Variants in DYTN observed in about 807,000 individuals in gnomAD.
DYTN encodes the protein dystrotelin.
Under a neutral mutation model 69.6 loss-of-function variants are expected in DYTN, and 75 were observed. The observed-to-expected ratio is 1.08, with a 90% CI of 0.89 to 1.31. DYTN has a LOEUF of 1.31. DYTN is among the 50% of genes most tolerant of loss of function. DYTN has a pLI of 0.00. For missense variants in DYTN, 726 were observed against 688.4 expected (o/e 1.05, Z -0.61); for synonymous variants, 252 against 249.1 (o/e 1.01, Z -0.11).
At chr2:206,654,098 G>T (rs1367028662) in intron 11 of DYTN, among the ~76,000 whole-genome samples, 1 of 152,198 alleles carries the variant, frequency 6.6e-6, no homozygotes, top group Non-Finnish European at 1.5e-5. Flanking sequence ...ATTGAATGAT[G>T]AGCCAACTAC....
At chr2:206,675,144 T>TGTGTGA (rs1699670865) in intron 9 of DYTN, among the ~76,000 whole-genome samples, 1 of 132,444 alleles carries the variant, frequency 7.6e-6, no homozygotes, top group African/African-American at 2.7e-5. Context: ...TGTGTGTGTG[T>TGTGTGA]GTATATATGT....
At chr2:206,690,214 G>A (rs1699850152) in intron 9 of DYTN, among the ~76,000 whole-genome samples, 1 of 152,162 alleles carries the variant, frequency 6.6e-6, no homozygotes, top group African/African-American at 2.4e-5. Context: ...GAGCAGTCAA[G>A]CCACGCAGGG....
chr2:206,696,049 T>A (rs1393822081), intron 7 of DYTN, among the ~76,000 whole-genome samples: 1 of 152,164 alleles, frequency 6.6e-6, no homozygotes, highest in African/African-American at 2.4e-5. Context: ...AATTAGGTGA[T>A]GTGTGATTAA....
At chr2:206,675,682 A>G (rs1252459842) in intron 9 of DYTN, among the ~76,000 whole-genome samples, 1 of 152,202 alleles carries the variant, frequency 6.6e-6, no homozygotes, top group Non-Finnish European at 1.5e-5. Context: ...CAAAATACTA[A>G]TAGGATTAAT....
intron 3 of DYTN, 97 bp downstream of exon 3, chr2:206,707,205 C>T: frequency 1.4e-6 from 2 of 1,442,540 alleles, no homozygotes; most frequent in Non-Finnish European, 9.4e-7. Flanking sequence ...TCTTATATAC[C>T]AAACCTCAAG....
At chr2:206,710,356 G>C (rs1700068682) in intron 2 of DYTN, among the ~76,000 whole-genome samples, 168 bp downstream of exon 2, 1 of 152,186 alleles carries the variant, frequency 6.6e-6, no homozygotes, top group African/African-American at 2.4e-5. Flanking sequence ...TGCACGTGAT[G>C]TTTTCCCATC....
intron 11 of DYTN, among the ~76,000 whole-genome samples, chr2:206,654,522 T>A (rs912396874): frequency 6.6e-6 from 1 of 152,222 alleles, no homozygotes; most frequent in African/African-American, 2.4e-5. Context: ...ATCAACTGTT[T>A]ATTTTACTGG....
chr2:206,661,890 G>C (rs1699516516), intron 11 of DYTN, among the ~76,000 whole-genome samples: 1 of 152,172 alleles, frequency 6.6e-6, no homozygotes, highest in Admixed American at 6.5e-5. Context: ...CCTGACTTAT[G>C]ATGGATTGAC....
At chr2:206,703,194 A>G (rs1338200132) in intron 5 of DYTN, among the ~76,000 whole-genome samples, 1 of 152,178 alleles carries the variant, frequency 6.6e-6, no homozygotes, top group Non-Finnish European at 1.5e-5. Context: ...AGCCTGTTGG[A>G]CCAAGTAGTC....
chr2:206,718,101 G>T (rs1483239632), intron 1 of DYTN, among the ~76,000 whole-genome samples, 160 bp downstream of exon 1: 2 of 152,172 alleles, frequency 1.3e-5, no homozygotes, highest in African/African-American at 4.8e-5. Context: ...TTTCTGTTTA[G>T]AAGAGAGAGA....
At chr2:206,660,809 A>C (rs574417072) in intron 11 of DYTN, among the ~76,000 whole-genome samples, 1 of 152,296 alleles carries the variant, frequency 6.6e-6, no homozygotes, top group East Asian at 1.9e-4. Context: ...TCGCCGAATA[A>C]TTAGTTTATT....
chr2:206,682,080 C>T (rs6718967), intron 9 of DYTN, among the ~76,000 whole-genome samples: 9,619 of 151,988 alleles, frequency 0.063, 1,026 homozygotes, highest in African/African-American at 0.22. Flanking sequence ...TTTAGGGTTT[C>T]GACTTCTTCC....
At chr2:206,680,184 A>G (rs1699735479) in intron 9 of DYTN, among the ~76,000 whole-genome samples, 1 of 152,212 alleles carries the variant, frequency 6.6e-6, no homozygotes, top group Admixed American at 6.5e-5. Flanking sequence ...GCAACAGAGG[A>G]ACAAAAGCAC....
intron 11 of DYTN, among the ~76,000 whole-genome samples, chr2:206,653,641 C>T (rs964162017): frequency 6.6e-6 from 1 of 152,096 alleles, no homozygotes; most frequent in African/African-American, 2.4e-5. Context: ...AATACTGAGC[C>T]CATATCTTAT....
At chr2:206,671,406 C>T (rs1048892291) in intron 9 of DYTN, among the ~76,000 whole-genome samples, 1 of 152,212 alleles carries the variant, frequency 6.6e-6, no homozygotes, top group Non-Finnish European at 1.5e-5. Context: ...CCCTTTGCAG[C>T]CCCTTTGAGT....
chr2:206,716,991 A>C (rs1700135714), intron 1 of DYTN, among the ~76,000 whole-genome samples: 1 of 151,580 alleles, frequency 6.6e-6, no homozygotes, highest in Non-Finnish European at 1.5e-5. Context: ...GTGAGCCAAC[A>C]CCAGACCCAC....
chr2:206,689,688 C>T (rs1268070901), intron 9 of DYTN, among the ~76,000 whole-genome samples: 1 of 152,198 alleles, frequency 6.6e-6, no homozygotes, highest in African/African-American at 2.4e-5. Flanking sequence ...GTGACTTCCT[C>T]ATGGCCACAC....
intron 9 of DYTN, among the ~76,000 whole-genome samples, chr2:206,689,701 G>A (rs984372945): frequency 9.2e-5 from 14 of 152,308 alleles, no homozygotes; most frequent in Admixed American, 2.6e-4. Context: ...GGCCACACAC[G>A]TGGTTAGTTG....
At chr2:206,661,611 C>T (rs868856725) in intron 11 of DYTN, among the ~76,000 whole-genome samples, 49 of 152,284 alleles carry the variant, frequency 3.2e-4, no homozygotes, top group African/African-American at 1.2e-3. Context: ...TAAAGATCCA[C>T]TTCCACTTAA....
Sources: gnomAD v4.1 joint callset for allele counts (sites outside exome capture counted in the v4.1 genomes callset) on GRCh38, gnomAD v4.1.1 for gene constraint, MANE v1.5 for transcripts, NCBI Gene and HGNC (gene_info 2026-07-23, HGNC 2026-07-21) for gene names.